The following GRAMD1C variants were observed in gnomAD, a reference collection of about 807,000 sequenced individuals.
GRAMD1C encodes GRAM domain containing 1C, also known as protein Aster-C.
Under a neutral mutation model 97.8 loss-of-function variants are expected in GRAMD1C, and 89 were observed. That is an observed-to-expected ratio of 0.91 (90% CI 0.77 to 1.09). The LOEUF is 1.09. GRAMD1C is among the 50% of genes least tolerant of loss of function. GRAMD1C has a pLI of 0.00. For missense variants in GRAMD1C, 740 were observed against 766.4 expected (o/e 0.97, Z 0.41); for synonymous variants, 256 against 267.0 (o/e 0.96, Z 0.40).
Position 113,844,513 on chromosome 3 carries a change from A to G in GRAMD1C, c.38A>G (p.Glu13Gly), listed in dbSNP as rs750349258. 18 of 1,598,294 alleles carry G rather than the reference A, an allele frequency of 1.1e-5. No homozygotes were observed. In the Admixed American group the frequency reaches 3.1e-4, roughly 27 times the overall value. Reference sequence around the variant, plus strand: ...GATATTTGTTTCCAGGTGATGAATGAAGGGGATTCAAGCCTTGCCACCGAC... The same window carrying G: ...GATATTTGTTTCCAGGTGATGAATGGAGGGGATTCAAGCCTTGCCACCGAC... ...GAPTVRQVMN[E>G]GDSSLATDLQ... The change falls in exon 2 of 18, where the codon GAA becomes GGA. Residue 13 changes from glutamate to glycine, a missense_variant. Coordinates refer to ENST00000358160, the MANE Select transcript of GRAMD1C (RefSeq NM_017577.5).
chr3:113,887,708 CAAAA>C (rs1156243184), intron 6 of GRAMD1C, among the ~76,000 whole-genome samples: 3 of 47,534 alleles, frequency 6.3e-5, no homozygotes, highest in Admixed American at 2.4e-4. Flanking sequence ...ACTCCGTCTC[CAAAA>C]AAAAAAAAAA....
chr3:113,891,706 C>A (rs577901992), intron 6 of GRAMD1C, among the ~76,000 whole-genome samples: 20 of 141,328 alleles, frequency 1.4e-4, no homozygotes, highest in Admixed American at 7.6e-4. Flanking sequence ...AGAGAGACCC[C>A]ATTTCTAAAA....
intron 10 of GRAMD1C, among the ~76,000 whole-genome samples, chr3:113,922,364 C>T (rs1009997793): frequency 6.6e-6 from 1 of 152,124 alleles, no homozygotes; most frequent in African/African-American, 2.4e-5. Context: ...TGAACCACCA[C>T]GCCCAGTCAT....
chr3:113,843,057 T>G (rs1933429165), intron 1 of GRAMD1C, among the ~76,000 whole-genome samples: 2 of 141,092 alleles, frequency 1.4e-5, no homozygotes, highest in African/African-American at 2.6e-5. Context: ...CTGTTTTTTT[T>G]TTTTTTTTTT....
intron 1 of GRAMD1C, among the ~76,000 whole-genome samples, chr3:113,840,267 C>T (rs1709749493): frequency 6.6e-6 from 1 of 152,230 alleles, no homozygotes; most frequent in Admixed American, 6.5e-5. Context: ...CCGCGCCCGG[C>T]CCTGAAAAAG....
At chr3:113,863,396 A>T (rs1297144555) in intron 2 of GRAMD1C, among the ~76,000 whole-genome samples, 7 of 152,132 alleles carry the variant, frequency 4.6e-5, no homozygotes, top group Admixed American at 3.9e-4. Context: ...TGTCTGTTCC[A>T]TTAATATGAA....
intron 6 of GRAMD1C, among the ~76,000 whole-genome samples, chr3:113,899,130 C>G (rs776994404): frequency 6.6e-6 from 1 of 152,108 alleles, no homozygotes; most frequent in Non-Finnish European, 1.5e-5. Flanking sequence ...ATATTTATCT[C>G]TACTATTTCG....
At chr3:113,934,047 G>C (rs975220557) in intron 12 of GRAMD1C, among the ~76,000 whole-genome samples, 2 of 152,310 alleles carry the variant, frequency 1.3e-5, no homozygotes, top group African/African-American at 4.8e-5. Context: ...TACAGAGAGA[G>C]ATGGGCCATC....
intron 10 of GRAMD1C, chr3:113,919,332 A>G: frequency 2.0e-6 from 1 of 495,096 alleles, no homozygotes; most frequent in East Asian, 6.0e-5. Context: ...CAAAGTAGAA[A>G]AACACCATCT....
intron 9 of GRAMD1C, among the ~76,000 whole-genome samples, chr3:113,911,699 C>CTTTCCTTCCTTCCTTCTTTCTCTTCCTTA (rs1375593202): frequency 9.5e-4 from 69 of 72,498 alleles, no homozygotes; most frequent in African/African-American, 5.3e-3. Flanking sequence ...CTGTTTCTTT[C>CTTTCCTTCCTTCCTTCTTTCTCTTCCTTA]CTTCCTTCCT....
chr3:113,857,447 C>T (rs1934187318), intron 2 of GRAMD1C, among the ~76,000 whole-genome samples: 1 of 150,268 alleles, frequency 6.7e-6, no homozygotes. Context: ...ACGATCTTGG[C>T]TCACTGCAAG....
At position 113,838,932 on chromosome 3, in the gene GRAMD1C, G is replaced by C. The variant is rs1222038748; in HGVS notation, c.23G>C (p.Arg8Pro). ...GCGATGGAGGGCGCTCCGACTGTCC[G>C]TCAGGTAAGCCGCGGGCCTCGCTGG... MEGAPTVRQVMNEGDSSL... is the reference protein window; with the variant it reads MEGAPTVPQVMNEGDSSL... The change falls in exon 1 of 18, where the codon CGT becomes CCT. Residue 8 changes from arginine to proline, a missense_variant. Physicochemically the swap from Arg to Pro is moderately radical, Grantham distance 103 (BLOSUM62 -2). Transcript: ENST00000358160. 10 of 1,100,352 alleles carry C rather than the reference G, an allele frequency of 9.1e-6. No homozygotes were observed. The highest frequency in any genetic ancestry group is 9.7e-6 in the Non-Finnish European group (9 of 925,424). The allele number at this position is 1,100,352 out of a possible 1,614,324, so 68.2% of individuals were successfully genotyped here. A position where few individuals can be genotyped will look rare whatever the true frequency, so the allele number is the denominator to read the frequency against.
intron 1 of GRAMD1C, among the ~76,000 whole-genome samples, chr3:113,841,761 A>G (rs1195598723): frequency 6.6e-6 from 1 of 152,114 alleles, no homozygotes; most frequent in African/African-American, 2.4e-5. Context: ...ACAATGGTGC[A>G]ATCACAACTT....
At chr3:113,878,203 A>G (rs1935123343) in intron 5 of GRAMD1C, among the ~76,000 whole-genome samples, 1 of 152,204 alleles carries the variant, frequency 6.6e-6, no homozygotes, top group African/African-American at 2.4e-5. Flanking sequence ...ATTATAAGCC[A>G]TTACTATCAT....
chr3:113,884,345 C>A (rs974027681), intron 6 of GRAMD1C, among the ~76,000 whole-genome samples: 2 of 152,076 alleles, frequency 1.3e-5, no homozygotes, highest in African/African-American at 4.8e-5. Flanking sequence ...AAACAGAATA[C>A]TTGTAAATAA....
intron 6 of GRAMD1C, among the ~76,000 whole-genome samples, chr3:113,888,672 T>A (rs866289706): frequency 1.4e-4 from 21 of 152,204 alleles, no homozygotes; most frequent in Admixed American, 3.9e-4. Context: ...TGAAAAAAAA[T>A]TTTTTAAATA....
At chr3:113,860,209 ACAGGGTTTCAC>A (rs1446975764) in intron 2 of GRAMD1C, among the ~76,000 whole-genome samples, 5 of 152,132 alleles carry the variant, frequency 3.3e-5, no homozygotes, top group Non-Finnish European at 7.3e-5. Context: ...TTTAGTAGAG[ACAGGGTTTCAC>A]CATGTTGGTC....
chr3:113,880,879 T>C (rs1269660838), intron 5 of GRAMD1C, among the ~76,000 whole-genome samples: 1 of 152,186 alleles, frequency 6.6e-6, no homozygotes, highest in African/African-American at 2.4e-5. Context: ...TGAACCCAGT[T>C]CATTTAATTG....
chr3:113,852,059 T>C (rs2107335503), intron 2 of GRAMD1C, among the ~76,000 whole-genome samples: 1 of 152,244 alleles, frequency 6.6e-6, no homozygotes, highest in African/African-American at 2.4e-5. Context: ...CAGTAACTTA[T>C]CCTACTCACA....
Sources: gnomAD v4.1 joint callset for allele counts (sites outside exome capture counted in the v4.1 genomes callset) on GRCh38, gnomAD v4.1.1 for gene constraint, MANE v1.5 for transcripts, NCBI Gene and HGNC (gene_info 2026-07-23, HGNC 2026-07-21) for gene names.